The following ARHGEF12 variants were observed in gnomAD, a reference collection of about 807,000 sequenced individuals.
The protein encoded by ARHGEF12 is Rho guanine nucleotide exchange factor 12, also known as KMT2A/ARHGEF12 fusion protein.
In ARHGEF12, 66 loss-of-function variants were observed where a neutral mutation model predicts 211.2. The observed-to-expected ratio is 0.31, with a 90% CI of 0.26 to 0.38. ARHGEF12 has a LOEUF of 0.38. ARHGEF12 is among the 10% of genes least tolerant of loss of function. The pLI is 1.00. For synonymous variants in ARHGEF12, 592 were observed against 638.4 expected (o/e 0.93, Z 1.09); for missense variants, 1,429 against 1,869.5 (o/e 0.76, Z 4.34).
chr11:120,435,362 T>G (rs1945661561), intron 11 of ARHGEF12, among the ~76,000 whole-genome samples: 1 of 152,170 alleles, frequency 6.6e-6, no homozygotes, highest in Admixed American at 6.5e-5. Flanking sequence ...TTAGGTTTGA[T>G]AGTTGTTATT....
chr11:120,452,812 A>G (rs1422672254), intron 22 of ARHGEF12, among the ~76,000 whole-genome samples: 1 of 152,104 alleles, frequency 6.6e-6, no homozygotes, highest in Non-Finnish European at 1.5e-5. Flanking sequence ...CCTGGCCAAC[A>G]TGGTGAAACC....
intron 12 of ARHGEF12, chr11:120,438,803 T>C (rs1945775029): frequency 6.6e-6 from 1 of 152,244 alleles, no homozygotes; most frequent in Non-Finnish European, 1.5e-5. Flanking sequence ...TTAATTTTAG[T>C]ACTTATGGTC....
intron 4 of ARHGEF12, among the ~76,000 whole-genome samples, chr11:120,418,482 T>G (rs1293732385): frequency 6.6e-6 from 1 of 152,248 alleles, no homozygotes; most frequent in Non-Finnish European, 1.5e-5. Context: ...TTTCTAGTTT[T>G]GGGCTCTTAT....
chr11:120,409,588 A>G, intron 4 of ARHGEF12, 138 bp downstream of exon 4: 1 of 818,604 alleles, frequency 1.2e-6, no homozygotes, highest in Non-Finnish European at 1.9e-6. Context: ...GGCATGATCT[A>G]CTGCAGGGAA....
rs150593481 is a variant in ARHGEF12 at position 120,349,979 on chromosome 11, C to T, written c.32+12704C>T. 2.6e-3 allele frequency among the ~76,000 whole-genome samples: 397 copies of T among 152,312 alleles called. 5 individuals carry two copies. Among genetic ancestry groups the T allele is most frequent in the Admixed American group, 0.02 (304 of 15,298 alleles). ...ATTCAGACCGTGGAACATCTCTTCA[C>T]AAAATGGGTTAGTTTGGATTGGCAG... On this transcript the variant is annotated intron_variant, in intron 1 of 40. Transcript: ENST00000397843.
In ARHGEF12 at chr11:120,429,717, G is replaced by A; in HGVS notation, c.669G>A (p.Leu223=). 1 of 1,609,946 alleles carries A rather than the reference G, an allele frequency of 6.2e-7. No homozygotes were observed. Residue 223 remains leucine (L), a synonymous_variant, in exon 10 of 41, where the codon TTG becomes TTA. Coordinates refer to ENST00000397843, the MANE Select transcript of ARHGEF12 (RefSeq NM_015313.3). ...LQKEQERLQL[L]QEDYNRTPAQ... ...ATATTTTTATAACTTTTCAGTTATTGCAGGAAGATTACAACCGAACACCTG... is the reference window on the plus strand; with the variant it reads ...ATATTTTTATAACTTTTCAGTTATTACAGGAAGATTACAACCGAACACCTG...
chr11:120,484,895 C>T (rs1252834768), intron 40 of ARHGEF12, among the ~76,000 whole-genome samples, 172 bp from the exon 41 acceptor site: 2 of 152,164 alleles, frequency 1.3e-5, no homozygotes, highest in African/African-American at 4.8e-5. Flanking sequence ...TGGCTGGTGT[C>T]TCCCCTGACT....
chr11:120,424,370 C>G lies in ARHGEF12; in HGVS notation c.361C>G (p.Leu121Val). ...CGTTTTCTTACAGGTGAATGGAACT[C>G]TGGTGACTCATTCAAATCATCTGGA... ...GDRIIKVNGT[L>V]VTHSNHLEVV... The change falls in exon 7 of 41, where the codon CTG becomes GTG. Residue 121 changes from leucine (L) to valine (V), a missense_variant. Transcript: ENST00000397843. The G allele has an allele frequency of 6.2e-7, 1 of 1,613,146 alleles. No homozygotes were observed. The highest frequency in any genetic ancestry group is 8.5e-7 in the Non-Finnish European group (1 of 1,179,432).
chr11:120,356,834 G>A (rs541129718), intron 1 of ARHGEF12, among the ~76,000 whole-genome samples: 1 of 152,192 alleles, frequency 6.6e-6, no homozygotes, highest in South Asian at 2.1e-4. Context: ...CAAAATACAT[G>A]TATTGACTAA....
intron 24 of ARHGEF12, 61 bp from the exon 25 acceptor site, chr11:120,458,019 G>C: frequency 6.5e-7 from 1 of 1,528,464 alleles, no homozygotes; most frequent in Non-Finnish European, 8.9e-7. Flanking sequence ...ATAAAGATTT[G>C]TGCTGTTTCT....
chr11:120,480,053 C>A lies in ARHGEF12; in HGVS notation c.3860C>A (p.Ala1287Asp), dbSNP rs1398490971. 6.2e-7 allele frequency: 1 copy of A among 1,614,154 alleles called. No homozygotes were observed. The highest frequency in any genetic ancestry group is 1.7e-5 in the Admixed American group (1 of 60,006). The stretch of plus-strand genomic sequence containing the variant: ...CAACATTTCCCAAGATACAGAACAG[C>A]CTCTCAGGGGCCGCAGACAGACAGT... ...DWQHFPRYRT[A>D]SQGPQTDSVI... The change falls in exon 38 of 41, where the codon GCC (alanine) becomes GAC (aspartate). Residue 1287 changes from alanine to aspartate, a missense_variant. This residue lies in a region of ARHGEF12 where 467 missense variants were observed against 468.4 expected (regional missense o/e 1.00). Transcript: ENST00000397843.
intron 1 of ARHGEF12, among the ~76,000 whole-genome samples, chr11:120,348,066 T>C (rs1368804036): frequency 6.6e-6 from 1 of 152,218 alleles, no homozygotes; most frequent in Non-Finnish European, 1.5e-5. Flanking sequence ...GATATCCAGT[T>C]AGCTTTAGTT....
At chr11:120,444,551 A>T (rs1047142565) in intron 15 of ARHGEF12, among the ~76,000 whole-genome samples, 1 of 152,328 alleles carries the variant, frequency 6.6e-6, no homozygotes, top group African/African-American at 2.4e-5. Flanking sequence ...CTTCAAATGA[A>T]TATAAAGAGA....
intron 7 of ARHGEF12, among the ~76,000 whole-genome samples, chr11:120,425,339 GTT>G (rs1323273529): frequency 7.0e-6 from 1 of 142,154 alleles, no homozygotes. Context: ...TGTTTTCTTG[GTT>G]TTTTTTTTTT....
chr11:120,423,298 G>T (rs1270315602), intron 6 of ARHGEF12, among the ~76,000 whole-genome samples: 1 of 152,148 alleles, frequency 6.6e-6, no homozygotes, highest in Admixed American at 6.5e-5. Context: ...TGAGTTCGTT[G>T]TGAGTATAAA....
intron 23 of ARHGEF12, 44 bp downstream of exon 23, chr11:120,457,294 G>A: frequency 1.2e-6 from 2 of 1,604,980 alleles, no homozygotes; most frequent in Non-Finnish European, 1.7e-6. Context: ...ATTACTTAAA[G>A]TTTTTAAATT....
At chr11:120,423,844 T>C (rs529787396) in intron 6 of ARHGEF12, among the ~76,000 whole-genome samples, 1 of 152,302 alleles carries the variant, frequency 6.6e-6, no homozygotes, top group Admixed American at 6.5e-5. Context: ...TTTGCCTTGA[T>C]TTGTTTGGTT....
intron 28 of ARHGEF12, 61 bp from the exon 29 acceptor site, chr11:120,467,133 C>A: frequency 9.2e-7 from 1 of 1,090,168 alleles, no homozygotes; most frequent in Non-Finnish European, 1.4e-6. Context: ...ACGGTGAATA[C>A]ATGGTACATG....
chr11:120,475,132 A>G (rs1946990955), intron 32 of ARHGEF12, among the ~76,000 whole-genome samples: 1 of 152,040 alleles, frequency 6.6e-6, no homozygotes, highest in Non-Finnish European at 1.5e-5. Context: ...GTTGTTTTTT[A>G]TTTCCTATTG....
Sources: gnomAD v4.1 joint callset for allele counts (sites outside exome capture counted in the v4.1 genomes callset) on GRCh38, gnomAD v4.1.1 for gene constraint, gnomAD v4.1.1 regional missense constraint, MANE v1.5 for transcripts, NCBI Gene and HGNC (gene_info 2026-07-23, HGNC 2026-07-21) for gene names.